NEDD4L: variants seen among roughly 807,000 people sequenced by gnomAD.
NEDD4L encodes NEDD4 like E3 ubiquitin protein ligase, also known as E3 ubiquitin-protein ligase NEDD4-like.
Under a neutral mutation model 148.9 loss-of-function variants are expected in NEDD4L, and 54 were observed. That is an observed-to-expected ratio of 0.36 (90% CI 0.29 to 0.45). The LOEUF (loss-of-function observed/expected upper bound fraction) is 0.45. Ranked by LOEUF, NEDD4L falls within the 20% of genes least tolerant of loss-of-function variation. The pLI, the probability that NEDD4L is intolerant of heterozygous loss-of-function variation, is 1.00. For missense variants in NEDD4L, 856 were observed against 1,233.8 expected (o/e 0.69, Z 4.59); for synonymous variants, 433 against 440.7 (o/e 0.98, Z 0.22).
intron 1 of NEDD4L, among the ~76,000 whole-genome samples, chr18:58,052,237 C>T (rs2081905745): frequency 6.6e-6 from 1 of 152,172 alleles, no homozygotes; most frequent in South Asian, 2.1e-4. Context: ...TTCTTGATTC[C>T]TGATGCAAGA....
intron 13 of NEDD4L, among the ~76,000 whole-genome samples, chr18:58,336,559 A>T (rs1337181719): frequency 6.6e-6 from 1 of 152,000 alleles, no homozygotes; most frequent in Non-Finnish European, 1.5e-5. Flanking sequence ...CCTGGGCGAC[A>T]GAGCGAGACT....
chr18:58,170,036 C>T (rs371267941), intron 2 of NEDD4L, among the ~76,000 whole-genome samples: 4 of 152,302 alleles, frequency 2.6e-5, no homozygotes, highest in African/African-American at 7.2e-5. Context: ...TAGCACATAG[C>T]ACCTAACAGG....
chr18:58,065,793 A>T (rs1036952304), intron 1 of NEDD4L, among the ~76,000 whole-genome samples: 1 of 152,156 alleles, frequency 6.6e-6, no homozygotes, highest in Admixed American at 6.5e-5. Flanking sequence ...TTGGCTTTGA[A>T]CCTTTTCTAG....
chr18:58,296,588 T>C lies in NEDD4L; in HGVS notation c.298-19394T>C, dbSNP rs182309798. On this transcript the variant is annotated intron_variant, in intron 5 of 30. Coordinates refer to ENST00000400345, the MANE Select transcript of NEDD4L (RefSeq NM_001144967.3). ...CCTCTGCCGCTGGGGCTGCCTTGCC[T>C]CCTCTGCTGTGTCAGATCTCCTTCT... Among the ~76,000 whole-genome samples the C allele has an allele frequency of 2.0e-5, 3 of 152,286 alleles. No individual in the cohort carries two copies. In the East Asian group the frequency reaches 5.8e-4, roughly 29 times the overall value.
chr18:58,241,677 A>C (rs1345484876), intron 2 of NEDD4L, among the ~76,000 whole-genome samples: 2 of 151,946 alleles, frequency 1.3e-5, no homozygotes, highest in African/African-American at 4.9e-5. Context: ...CTCTGTCACA[A>C]TCATGTTTTC....
At chr18:58,327,473 A>G (rs896912472) in intron 9 of NEDD4L, among the ~76,000 whole-genome samples, 1 of 152,236 alleles carries the variant, frequency 6.6e-6, no homozygotes, top group Non-Finnish European at 1.5e-5. Context: ...TGCCCCATCA[A>G]GGAGGCAGCA....
At chr18:58,393,844 T>C (rs558187956) in intron 30 of NEDD4L, among the ~76,000 whole-genome samples, 1 of 152,366 alleles carries the variant, frequency 6.6e-6, no homozygotes, top group African/African-American at 2.4e-5. Context: ...GATCTGGTTC[T>C]CTGTGATGAG....
At chr18:58,313,106 C>CT (rs946279135) in intron 5 of NEDD4L, among the ~76,000 whole-genome samples, 3 of 152,244 alleles carry the variant, frequency 2.0e-5, no homozygotes, top group Non-Finnish European at 2.9e-5. Context: ...CTTCCATTGA[C>CT]TGGTGAAACA....
intron 23 of NEDD4L, among the ~76,000 whole-genome samples, chr18:58,371,103 C>T (rs965688392): frequency 1.7e-5 from 2 of 118,456 alleles, no homozygotes; most frequent in Non-Finnish European, 3.4e-5. Context: ...AGTGCAGTGG[C>T]GCGATCTTGG....
intron 23 of NEDD4L, chr18:58,371,750 T>G (rs1010202197): frequency 6.6e-6 from 1 of 152,358 alleles, no homozygotes; most frequent in African/African-American, 2.4e-5. Flanking sequence ...TGGGTTGGGA[T>G]GCACACCTGT....
chr18:58,091,887 A>G (rs2084094998), intron 1 of NEDD4L, among the ~76,000 whole-genome samples: 1 of 152,082 alleles, frequency 6.6e-6, no homozygotes. Flanking sequence ...GCCACAGGGG[A>G]CTCATTTCAT....
chr18:58,325,965 A>G (rs2059273651), intron 9 of NEDD4L, among the ~76,000 whole-genome samples: 1 of 152,220 alleles, frequency 6.6e-6, no homozygotes, highest in Non-Finnish European at 1.5e-5. Flanking sequence ...CAGCCAAGAC[A>G]AGGAGGAAAT....
At chr18:58,229,077 T>C (rs929970848) in intron 2 of NEDD4L, among the ~76,000 whole-genome samples, 1 of 152,166 alleles carries the variant, frequency 6.6e-6, no homozygotes, top group African/African-American at 2.4e-5. Flanking sequence ...AAAACGACTT[T>C]GCTAACCATG....
At chr18:58,322,398 A>T (rs751866255) in intron 6 of NEDD4L, 27 bp from the exon 7 acceptor site, 2 of 1,483,184 alleles carry the variant, frequency 1.3e-6, no homozygotes, top group South Asian at 2.3e-5. Flanking sequence ...GAATATTAAA[A>T]TTTAATTTAC....
chr18:58,132,441 T>C (rs1347136220), intron 1 of NEDD4L, among the ~76,000 whole-genome samples: 2 of 152,248 alleles, frequency 1.3e-5, no homozygotes, highest in Non-Finnish European at 2.9e-5. Flanking sequence ...AACCTTTTCC[T>C]GTTTGGAATA....
In NEDD4L at chr18:58,366,501, C is replaced by T. The variant is rs1806821412; in HGVS notation, c.2063+273C>T. The T allele has an allele frequency of 3.1e-6, 1 of 317,536 alleles. No individual in the cohort carries two copies. The allele number at this position is 317,536 out of a possible 1,614,324, so 19.7% of individuals were successfully genotyped here. On this transcript the variant is annotated intron_variant, in intron 21 of 30. Coordinates refer to ENST00000400345, the MANE Select transcript of NEDD4L (RefSeq NM_001144967.3). This position sits in a 1 kb window ranked among gnomAD's most constrained non-coding sequence, Gnocchi z 4.2. ...AAACGTGGATAATTATGATAAGGAA[C>T]AGGAGGCGATTTTCATTTGCAGTGT...
chr18:58,221,149 C>T (rs937998593), intron 2 of NEDD4L, among the ~76,000 whole-genome samples: 3 of 152,118 alleles, frequency 2.0e-5, no homozygotes, highest in African/African-American at 4.8e-5. Context: ...TCCCATCTGC[C>T]GAGTGTGGGG....
intron 1 of NEDD4L, among the ~76,000 whole-genome samples, chr18:58,147,810 G>GC (rs2034255522): frequency 6.6e-6 from 1 of 152,058 alleles, no homozygotes; most frequent in South Asian, 2.1e-4. Context: ...CCCTTTTCAT[G>GC]CCTGTGACCT....
intron 2 of NEDD4L, among the ~76,000 whole-genome samples, chr18:58,179,363 T>C (rs2038560698): frequency 6.6e-6 from 1 of 152,188 alleles, no homozygotes; most frequent in Non-Finnish European, 1.5e-5. Context: ...GAATCATCTG[T>C]CTCCGTGATG....
Sources: gnomAD v4.1 joint callset for allele counts (sites outside exome capture counted in the v4.1 genomes callset) on GRCh38, gnomAD v4.1.1 for gene constraint, Gnocchi (gnomAD v3.1) non-coding constraint, MANE v1.5 for transcripts, NCBI Gene and HGNC (gene_info 2026-07-23, HGNC 2026-07-21) for gene names.